Variants in ZCCHC24 observed in about 807,000 individuals in gnomAD.
ZCCHC24 encodes zinc finger CCHC domain-containing protein 24.
Under a neutral mutation model 26.2 loss-of-function variants are expected in ZCCHC24, and 10 were observed. The ratio of observed to expected loss-of-function variants is 0.38; its 90% CI spans 0.24 to 0.65. The LOEUF is 0.65. Ranked by LOEUF, ZCCHC24 falls within the 30% of genes least tolerant of loss-of-function variation. The pLI is 0.54. For synonymous variants in ZCCHC24, 144 were observed against 147.1 expected (o/e 0.98, Z 0.15); for missense variants, 243 against 329.1 (o/e 0.74, Z 2.03).
intron 2 of ZCCHC24, among the ~76,000 whole-genome samples, chr10:79,423,580 AC>A (rs1253334310): frequency 3.5e-5 from 1 of 28,354 alleles, no homozygotes; most frequent in African/African-American, 1.6e-4. Flanking sequence ...AAATATATAT[AC>A]TATATATATA....
intron 3 of ZCCHC24, among the ~76,000 whole-genome samples, chr10:79,390,929 A>G (rs1379298594): frequency 1.3e-5 from 2 of 152,134 alleles, no homozygotes; most frequent in Non-Finnish European, 2.9e-5. Context: ...CATGGGGAGC[A>G]CCGCCGCTGG....
At position 79,385,875 on chromosome 10, in the gene ZCCHC24, A is replaced by AG; in HGVS notation, c.*469dup. The AG allele has an allele frequency of 3.1e-6, 1 of 324,350 alleles. No individual in the cohort carries two copies. Among genetic ancestry groups the AG allele is most frequent in the Non-Finnish European group, 5.6e-6 (1 of 177,774 alleles). 20.1% of individuals were successfully genotyped at this position (324,350 alleles called of 1,614,324 possible). ...CTTGCCACGATTGCTGACTCAGGAA[A>AG]GAGGGATTTCTGAGAGTGGCTTTCC... On this transcript the variant is annotated 3_prime_UTR_variant, in exon 4 of 4. Transcript: ENST00000372336. This position sits in a 1 kb window ranked among gnomAD's most constrained non-coding sequence, Gnocchi z 4.3.
chr10:79,404,852 A>C (rs1856689268), intron 2 of ZCCHC24, among the ~76,000 whole-genome samples: 1 of 152,196 alleles, frequency 6.6e-6, no homozygotes, highest in Non-Finnish European at 1.5e-5. Flanking sequence ...CTTACACTCA[A>C]ATAAAGAAAA....
intron 2 of ZCCHC24, among the ~76,000 whole-genome samples, chr10:79,416,681 C>CT (rs556761814): frequency 6.6e-6 from 1 of 152,086 alleles, no homozygotes; most frequent in East Asian, 1.9e-4. Context: ...TCATTTCTTC[C>CT]TTTTTTTGCA....
At chr10:79,423,391 A>C (rs1856973463) in intron 2 of ZCCHC24, among the ~76,000 whole-genome samples, 1 of 151,202 alleles carries the variant, frequency 6.6e-6, no homozygotes, top group African/African-American at 2.4e-5. Context: ...TCTCTACTAA[A>C]AATTCAAAAA....
chr10:79,411,142 G>A (rs963946039), intron 2 of ZCCHC24, among the ~76,000 whole-genome samples: 1 of 152,152 alleles, frequency 6.6e-6, no homozygotes, highest in African/African-American at 2.4e-5. Flanking sequence ...GTTTGCCCTG[G>A]CTCCTGTCCT....
At chr10:79,394,057 T>C (rs1856512486) in intron 3 of ZCCHC24, among the ~76,000 whole-genome samples, 2 of 152,230 alleles carry the variant, frequency 1.3e-5, no homozygotes, top group African/African-American at 4.8e-5. Context: ...CCCTGTTCAC[T>C]AGTTTTACAA....
intron 1 of ZCCHC24, among the ~76,000 whole-genome samples, chr10:79,442,459 A>AC (rs943793493): frequency 2.0e-5 from 3 of 150,656 alleles, no homozygotes; most frequent in Admixed American, 6.6e-5. Context: ...CCATGTCCTC[A>AC]CCCCCCCTCA....
At chr10:79,388,442 TCA>T (rs1207813057) in intron 3 of ZCCHC24, among the ~76,000 whole-genome samples, 2 of 152,178 alleles carry the variant, frequency 1.3e-5, no homozygotes, top group African/African-American at 4.8e-5. Context: ...AGCCCACCGC[TCA>T]GTTTACTGCC....
Position 79,445,591 on chromosome 10 carries a change from C to A in ZCCHC24, c.-151G>T. 1.6e-6 allele frequency: 1 copy of A among 609,162 alleles called. No homozygotes were observed. Among genetic ancestry groups the A allele is most frequent in the Non-Finnish European group, 2.1e-6 (1 of 480,988 alleles). The allele number at this position is 609,162 out of a possible 1,614,324, so 37.7% of individuals were successfully genotyped here. ...CGCCCTGCGCCCCGCGCGCTGCCCG[C>A]AGCCGCTGCCGCTGCCGCCGCCTCC... On this transcript the variant is annotated 5_prime_UTR_variant, in exon 1 of 4. Coordinates refer to ENST00000372336, the MANE Select transcript of ZCCHC24 (RefSeq NM_153367.4).
chr10:79,444,978 C>G (rs1031443628), intron 1 of ZCCHC24, among the ~76,000 whole-genome samples: 9 of 152,228 alleles, frequency 5.9e-5, no homozygotes, highest in Non-Finnish European at 1.2e-4. Context: ...CTGCATTGCT[C>G]CAGCCCGGGC....
chr10:79,406,316 G>T (rs1387393166), intron 2 of ZCCHC24, among the ~76,000 whole-genome samples: 1 of 152,148 alleles, frequency 6.6e-6, no homozygotes, highest in Non-Finnish European at 1.5e-5. Context: ...CCATGGACAG[G>T]TACAAAGGAC....
chr10:79,404,982 G>A (rs1389660669), intron 2 of ZCCHC24, among the ~76,000 whole-genome samples: 1 of 152,210 alleles, frequency 6.6e-6, no homozygotes, highest in East Asian at 1.9e-4. Context: ...GGGCACCCTG[G>A]TCTCCCTGGC....
intron 2 of ZCCHC24, among the ~76,000 whole-genome samples, chr10:79,422,759 C>T (rs1039341428): frequency 4.6e-5 from 7 of 152,162 alleles, no homozygotes; most frequent in South Asian, 2.1e-4. Flanking sequence ...AGACCTCTCG[C>T]GGCGCCCTGT....
intron 3 of ZCCHC24, among the ~76,000 whole-genome samples, chr10:79,387,145 G>A (rs1856408206): frequency 6.6e-6 from 1 of 152,144 alleles, no homozygotes; most frequent in Non-Finnish European, 1.5e-5. Context: ...ATTTGTTGAG[G>A]CTGCATGAAT....
intron 2 of ZCCHC24, among the ~76,000 whole-genome samples, chr10:79,428,819 A>G (rs1392448633): frequency 1.3e-5 from 2 of 152,208 alleles, no homozygotes; most frequent in Non-Finnish European, 2.9e-5. Flanking sequence ...TTACAGAAAT[A>G]AAAAGGATTA....
intron 2 of ZCCHC24, among the ~76,000 whole-genome samples, chr10:79,428,539 A>G (rs1301605497): frequency 6.6e-6 from 1 of 152,142 alleles, no homozygotes; most frequent in Non-Finnish European, 1.5e-5. Context: ...AACGATGTGA[A>G]TGTATTTAAT....
intron 2 of ZCCHC24, among the ~76,000 whole-genome samples, chr10:79,424,978 G>A (rs930726802): frequency 5.9e-5 from 9 of 152,132 alleles, no homozygotes; most frequent in Non-Finnish European, 1.2e-4. Flanking sequence ...CTGTACCACC[G>A]AGGACAGGGG....
At chr10:79,442,741 T>C (rs1857307145) in intron 1 of ZCCHC24, among the ~76,000 whole-genome samples, 1 of 151,782 alleles carries the variant, frequency 6.6e-6, no homozygotes, top group Non-Finnish European at 1.5e-5. Context: ...GGCATTGGGG[T>C]GGGGGGTATT....
Sources: gnomAD v4.1 joint callset for allele counts (sites outside exome capture counted in the v4.1 genomes callset) on GRCh38, gnomAD v4.1.1 for gene constraint, Gnocchi (gnomAD v3.1) non-coding constraint, MANE v1.5 for transcripts, NCBI Gene and HGNC (gene_info 2026-07-23, HGNC 2026-07-21) for gene names.